The following LARP4B variants were observed in gnomAD, a reference collection of about 807,000 sequenced individuals.
LARP4B encodes the protein la-related protein 4B.
In LARP4B, 12 loss-of-function variants were observed where a neutral mutation model predicts 89.8. That is an observed-to-expected ratio of 0.13 (90% CI 0.09 to 0.22). The LOEUF (loss-of-function observed/expected upper bound fraction) is 0.22. LARP4B is among the 10% of genes least tolerant of loss of function. The probability of loss-of-function intolerance (pLI) is 1.00; values close to 1 mark genes in which losing one functional copy is unlikely to be tolerated. For synonymous variants in LARP4B, 367 were observed against 363.3 expected (o/e 1.01, Z -0.12); for missense variants, 757 against 947.7 (o/e 0.80, Z 2.64).
the LARP4B span, among the ~76,000 whole-genome samples, chr10:939,882 C>T: frequency 1.3e-5 from 2 of 152,174 alleles, no homozygotes; most frequent in African/African-American, 4.8e-5. Flanking sequence ...CTTGCTCTGT[C>T]GCCCAGGCTA....
the LARP4B span, among the ~76,000 whole-genome samples, chr10:968,052 C>T: frequency 1.3e-5 from 2 of 152,126 alleles, no homozygotes; most frequent in Non-Finnish European, 2.9e-5. Flanking sequence ...GTTATCCCCT[C>T]ATATGTGTGG....
At position 821,666 on chromosome 10, in the gene LARP4B, G is replaced by T. The variant is rs185914912; in HGVS notation, c.1485-821C>A. ...ATTACATAACCTGGAAAGGAGTTAA[G>T]AAATAGTCTTGACTAATTCCTTCAT... On this transcript the variant is annotated intron_variant, in intron 13 of 17. Coordinates refer to ENST00000316157, the MANE Select transcript of LARP4B (RefSeq NM_015155.3). Among the ~76,000 whole-genome samples, 19 of 152,332 alleles carry T rather than the reference G, an allele frequency of 1.2e-4. No homozygotes were observed. In the East Asian group the frequency reaches 3.3e-3, roughly 26 times the overall value.
intron 5 of LARP4B, among the ~76,000 whole-genome samples, chr10:863,384 A>G (rs1261170676): frequency 1.3e-5 from 2 of 151,626 alleles, no homozygotes; most frequent in Non-Finnish European, 2.9e-5. Context: ...CACCACGCCC[A>G]GCTGATTTTT....
At chr10:980,883 C>T in the LARP4B span, among the ~76,000 whole-genome samples, 2 of 152,212 alleles carry the variant, frequency 1.3e-5, no homozygotes, top group African/African-American at 4.8e-5. Context: ...CTTTTTCTTT[C>T]TGTGCCACAT....
intron 5 of LARP4B, among the ~76,000 whole-genome samples, chr10:855,295 C>T (rs542511544): frequency 1.8e-4 from 27 of 152,148 alleles, no homozygotes; most frequent in Admixed American, 1.7e-3. Flanking sequence ...CTCCAGAGAC[C>T]GAGTTTTCAG....
At chr10:987,284 G>A in the LARP4B span, 1 of 152,222 alleles carries the variant, frequency 6.6e-6, no homozygotes, top group Non-Finnish European at 1.5e-5. Context: ...ATAGTTAATA[G>A]ATGAGAAAAG....
At chr10:890,480 TAAAC>T (rs970146313) in intron 1 of LARP4B, among the ~76,000 whole-genome samples, 81 of 152,318 alleles carry the variant, frequency 5.3e-4, no homozygotes, top group African/African-American at 1.7e-3. Context: ...GTCTTCTTAT[TAAAC>T]AAAGAAAAGA....
At position 822,677 on chromosome 10, in the gene LARP4B, C is replaced by G. The variant is rs1213974628; in HGVS notation, c.1485-1832G>C. On this transcript the variant is annotated intron_variant, in intron 13 of 17. Coordinates refer to ENST00000316157, the MANE Select transcript of LARP4B (RefSeq NM_015155.3). The surrounding 1 kb of genome is among the most constrained non-coding windows in gnomAD (Gnocchi z 4.6). ...CAGCTCACAAGGGGTAGCAAGGGAC[C>G]CAGGGTGGTCCCAGCACCATAGAGG... 6.6e-6 allele frequency among the ~76,000 whole-genome samples: 1 copy of G among 152,220 alleles called. No homozygotes were observed. Among genetic ancestry groups the G allele is most frequent in the Non-Finnish European group, 1.5e-5 (1 of 68,032 alleles).
At chr10:967,818 A>T in the LARP4B span, among the ~76,000 whole-genome samples, 2 of 152,182 alleles carry the variant, frequency 1.3e-5, no homozygotes, top group Non-Finnish European at 2.9e-5. Context: ...CTCCTGCTTC[A>T]GCCTTCCAAG....
intron 3 of LARP4B, among the ~76,000 whole-genome samples, chr10:866,939 T>C (rs1834922780): frequency 6.6e-6 from 1 of 152,216 alleles, no homozygotes; most frequent in Non-Finnish European, 1.5e-5. Flanking sequence ...GGCATTTTCC[T>C]CACTGTAGTA....
the LARP4B span, among the ~76,000 whole-genome samples, chr10:984,308 T>G: frequency 6.6e-6 from 1 of 152,208 alleles, no homozygotes; most frequent in Admixed American, 6.5e-5. Context: ...TTTAGAATCA[T>G]TTGGAAATTG....
intron 1 of LARP4B, among the ~76,000 whole-genome samples, chr10:909,314 G>GAAATTCCA (rs1230106297): frequency 1.4e-5 from 2 of 141,850 alleles, no homozygotes; most frequent in Non-Finnish European, 3.1e-5. Context: ...AAAAAAAAAG[G>GAAATTCCA]AAATTCCAAG....
chr10:982,096 TTTTC>T, the LARP4B span, among the ~76,000 whole-genome samples: 81,588 of 119,806 alleles, frequency 0.68, 27,049 homozygotes, highest in East Asian at 0.8. Context: ...TATAGCTTTT[TTTTC>T]TTTCTTTCTT....
chr10:951,057 T>G, the LARP4B span, among the ~76,000 whole-genome samples: 1 of 152,060 alleles, frequency 6.6e-6, no homozygotes, highest in African/African-American at 2.4e-5. Flanking sequence ...TTTCCCTTTA[T>G]TTTCTGTTTT....
chr10:878,768 T>C (rs34684583), intron 3 of LARP4B, among the ~76,000 whole-genome samples: 3,580 of 152,310 alleles, frequency 0.024, 59 homozygotes, highest in Non-Finnish European at 0.037. Context: ...TACAACTGTT[T>C]GCATGGTACT....
chr10:971,997 A>ATAAG, the LARP4B span: 1 of 145,722 alleles, frequency 6.9e-6, no homozygotes, highest in Non-Finnish European at 1.5e-5. Flanking sequence ...GTGGCTCCTG[A>ATAAG]TAAGTTCATT....
chr10:835,857 T>C (rs1833185655), intron 8 of LARP4B, among the ~76,000 whole-genome samples: 1 of 150,914 alleles, frequency 6.6e-6, no homozygotes, highest in African/African-American at 2.4e-5. Flanking sequence ...TGCTTGAGCC[T>C]GGGAGATGGA....
At chr10:884,094 G>T (rs1434327751) in intron 3 of LARP4B, among the ~76,000 whole-genome samples, 1 of 152,154 alleles carries the variant, frequency 6.6e-6, no homozygotes, top group Non-Finnish European at 1.5e-5. Context: ...TATTCAATTT[G>T]TGTGGTTTAA....
rs1202270559 is a variant in LARP4B at position 811,520 on chromosome 10, C to G, written c.*1406G>C. 2.0e-5 allele frequency: 3 copies of G among 152,632 alleles called. No individual in the cohort carries two copies. Among genetic ancestry groups the G allele is most frequent in the African/African-American group, 7.2e-5 (3 of 41,446 alleles). 9.5% of individuals were successfully genotyped at this position (152,632 alleles called of 1,614,324 possible). A position where few individuals can be genotyped will look rare whatever the true frequency, so the allele number is the denominator to read the frequency against. On this transcript the variant is annotated 3_prime_UTR_variant, in exon 18 of 18. Transcript: ENST00000316157. ...CTCAGTAAAACTAGCGACAGGAGAT[C>G]CACGCAGTAACTGAGTAACTCTGAC...
Sources: gnomAD v4.1 joint callset for allele counts (sites outside exome capture counted in the v4.1 genomes callset) on GRCh38, gnomAD v4.1.1 for gene constraint, Gnocchi (gnomAD v3.1) non-coding constraint, MANE v1.5 for transcripts, NCBI Gene and HGNC (gene_info 2026-07-23, HGNC 2026-07-21) for gene names.